NEU3: variants seen among roughly 807,000 people sequenced by gnomAD.
NEU3 encodes sialidase-3.
A neutral mutation model predicts 11.4 loss-of-function variants in NEU3; 10 were observed. That is an observed-to-expected ratio of 0.88 (90% CI 0.54 to 1.49). The LOEUF is 1.49. Ranked by LOEUF, NEU3 falls within the 40% of genes most tolerant of loss-of-function variation. The pLI is 0.00. For missense variants in NEU3, 529 were observed against 581.8 expected (o/e 0.91, Z 0.93); for synonymous variants, 212 against 228.2 (o/e 0.93, Z 0.64).
Position 74,989,110 on chromosome 11 carries a change from C to G in NEU3, c.50C>G (p.Ser17Cys). The G allele has an allele frequency of 6.4e-7, 1 of 1,551,126 alleles. No individual in the cohort carries two copies. Among genetic ancestry groups the G allele is most frequent in the Non-Finnish European group, 8.7e-7 (1 of 1,146,944 alleles). Residue 17 changes from serine (S) to cysteine (C), a missense_variant, in exon 1 of 3, where the codon TCC becomes TGC. Coordinates refer to ENST00000294064, the MANE Select transcript of NEU3 (RefSeq NM_006656.6). ...PPRPMEESPA[S>C]SSAPTETEEP... The stretch of plus-strand genomic sequence containing the variant: ...CGCCCCATGGAAGAATCCCCGGCGT[C>G]CAGCTCTGCCCCGACAGAGACGGAG...
At chr11:74,990,665 C>A (rs1948722156) in intron 1 of NEU3, among the ~76,000 whole-genome samples, 1 of 152,104 alleles carries the variant, frequency 6.6e-6, no homozygotes, top group Non-Finnish European at 1.5e-5. Context: ...CAGCCTCTTC[C>A]TTTCCTGTTC....
At chr11:75,001,419 A>G (rs1411881238) in intron 2 of NEU3, among the ~76,000 whole-genome samples, 1 of 151,648 alleles carries the variant, frequency 6.6e-6, no homozygotes, top group African/African-American at 2.4e-5. Context: ...AGCTGGGACT[A>G]CAGGTGTGTG....
chr11:75,001,631 A>G (rs372854384), intron 2 of NEU3, among the ~76,000 whole-genome samples: 1 of 151,886 alleles, frequency 6.6e-6, no homozygotes, highest in East Asian at 1.9e-4. Flanking sequence ...TTAAGCCACA[A>G]CCTGTTTTAT....
chr11:75,011,825 A>G (rs760464902), downstream of NEU3, among the ~76,000 whole-genome samples: 2 of 152,064 alleles, frequency 1.3e-5, no homozygotes, highest in Non-Finnish European at 2.9e-5. Flanking sequence ...GTAAGCCATG[A>G]GGAGTTAACT....
At chr11:74,983,586 T>C (rs947892910), upstream of NEU3, among the ~76,000 whole-genome samples, 9 of 152,210 alleles carry the variant, frequency 5.9e-5, no homozygotes, top group African/African-American at 2.2e-4. Context: ...GCGTAACTGA[T>C]TCATTTATGC....
upstream of NEU3, among the ~76,000 whole-genome samples, chr11:74,987,888 TTTTTTTTTTC>T (rs1427083642): frequency 0.026 from 1,117 of 42,976 alleles, 62 homozygotes; most frequent in African/African-American, 0.082. Context: ...TTCTAGGCCT[TTTTTTTTTTC>T]TTTTTTTTTT....
chr11:74,983,895 A>G (rs1469487896), upstream of NEU3, among the ~76,000 whole-genome samples: 3 of 152,208 alleles, frequency 2.0e-5, no homozygotes, highest in Admixed American at 2.0e-4. Context: ...TCTAAGGTAG[A>G]TCCTGATGGT....
Position 75,010,344 on chromosome 11 carries a change from A to T in NEU3, c.*3852A>T, listed in dbSNP as rs1041437342. The T allele has an allele frequency of 1.3e-5, 2 of 152,256 alleles. No individual in the cohort carries two copies. The highest frequency in any genetic ancestry group is 4.8e-5 in the African/African-American group (2 of 41,470). 9.4% of individuals were successfully genotyped at this position (152,256 alleles called of 1,614,324 possible). The stretch of plus-strand genomic sequence containing the variant: ...TCCTCTGCACCCAGCGTAGGGCCTG[A>T]AACAGAGTAGCTAGCAGTAAAGATA... On this transcript the variant is annotated 3_prime_UTR_variant, in exon 3 of 3. Coordinates refer to ENST00000294064, the MANE Select transcript of NEU3 (RefSeq NM_006656.6).
upstream of NEU3, chr11:74,988,195 G>C (rs1948690155): frequency 6.6e-6 from 1 of 151,968 alleles, no homozygotes. Context: ...TTAGAGACAG[G>C]GTCTCGCTCT....
chr11:74,990,692 C>G (rs1328778534), intron 1 of NEU3, among the ~76,000 whole-genome samples: 1 of 152,140 alleles, frequency 6.6e-6, no homozygotes, highest in Non-Finnish European at 1.5e-5. Context: ...CTAACCCGCT[C>G]CATGCCTATC....
chr11:74,999,485 TCTGTATTCTATTGGTAGTTA>T (rs775990996), intron 2 of NEU3, among the ~76,000 whole-genome samples: 2 of 152,228 alleles, frequency 1.3e-5, no homozygotes, highest in Non-Finnish European at 2.9e-5. Flanking sequence ...AATATAGAAA[TCTGTATTCTATTGGTAGTTA>T]CTGAAATCTT....
chr11:74,994,686 T>C lies in NEU3; in HGVS notation c.272T>C (p.Leu91Pro). The C allele has an allele frequency of 6.2e-7, 1 of 1,614,038 alleles. No homozygotes were observed. The highest frequency in any genetic ancestry group is 1.3e-5 in the African/African-American group (1 of 75,054). ...GATGAGGATGCTCTCCACCTGGTGCTGAGGCGAGGGTTGAGGATTGGGCAG... is the reference window on the plus strand; with the variant it reads ...GATGAGGATGCTCTCCACCTGGTGCCGAGGCGAGGGTTGAGGATTGGGCAG... ...RRDEDALHLV[L>P]RRGLRIGQLV... Residue 91 changes from leucine (L) to proline (P), a missense_variant, in exon 2 of 3, where the codon CTG (leucine) becomes CCG (proline). Coordinates refer to ENST00000294064, the MANE Select transcript of NEU3 (RefSeq NM_006656.6).
rs1169890527 is a variant in NEU3 at position 74,989,268 on chromosome 11, C to T, written c.94+114C>T. The T allele has an allele frequency of 1.9e-5, 16 of 832,538 alleles. No homozygotes were observed. The East Asian group carries it at 4.1e-4, about 22-fold the overall frequency. 51.6% of individuals were successfully genotyped at this position (832,538 alleles called of 1,614,324 possible). On this transcript the variant is annotated intron_variant, in intron 1 of 2. Coordinates refer to ENST00000294064, the MANE Select transcript of NEU3 (RefSeq NM_006656.6). ...CAGCCTTGGATTATTGAGACAGAGCCACCTAGTCGGCTAGGATCTGACCTG... is the reference window on the plus strand; with the variant it reads ...CAGCCTTGGATTATTGAGACAGAGCTACCTAGTCGGCTAGGATCTGACCTG...
At chr11:74,988,837 C>T (rs1386687500), upstream of NEU3, 50 of 523,676 alleles carry the variant, frequency 9.5e-5, no homozygotes, top group Non-Finnish European at 3.3e-5. Context: ...GGGGGCGGGA[C>T]GGGGAGGGCT....
intron 2 of NEU3, among the ~76,000 whole-genome samples, chr11:74,996,827 AAAC>A (rs1336181488): frequency 6.6e-6 from 1 of 152,242 alleles, no homozygotes; most frequent in Non-Finnish European, 1.5e-5. Context: ...GTGGCCGTGA[AAAC>A]AACATTAATC....
chr11:74,987,546 G>C (rs568313966), upstream of NEU3, among the ~76,000 whole-genome samples: 24 of 152,260 alleles, frequency 1.6e-4, no homozygotes, highest in African/African-American at 5.8e-4. Flanking sequence ...AGGCGCGGTG[G>C]CTCACGCCTG....
chr11:74,995,985 C>G (rs749149311), intron 2 of NEU3, among the ~76,000 whole-genome samples: 10 of 151,964 alleles, frequency 6.6e-5, no homozygotes, highest in Non-Finnish European at 1.2e-4. Flanking sequence ...AAGACCTTAT[C>G]TCTAATAAAA....
intron 1 of NEU3, among the ~76,000 whole-genome samples, chr11:74,992,131 A>G (rs1253127418): frequency 6.6e-6 from 1 of 152,212 alleles, no homozygotes; most frequent in East Asian, 1.9e-4. Context: ...GCTATCTGAA[A>G]CGAGTGTTCC....
chr11:75,012,581 C>T (rs1027080794), downstream of NEU3, among the ~76,000 whole-genome samples: 6 of 152,168 alleles, frequency 3.9e-5, no homozygotes, highest in Non-Finnish European at 5.9e-5. Context: ...GGCGATTTGT[C>T]GCATTGGATT....
Sources: allele counts gnomAD v4.1 joint callset (sites outside exome capture counted in the v4.1 genomes callset), GRCh38; gene constraint gnomAD v4.1.1; transcripts MANE v1.5; gene names NCBI Gene and HGNC (gene_info 2026-07-23, HGNC 2026-07-21).